The following PRKG1 variants were observed in gnomAD, a reference collection of about 807,000 sequenced individuals.
PRKG1 encodes the protein protein kinase cGMP-dependent 1.
A neutral mutation model predicts 88.1 loss-of-function variants in PRKG1; 35 were observed. The observed-to-expected ratio is 0.40, with a 90% CI of 0.30 to 0.53. PRKG1 has a LOEUF of 0.53. Ranked by LOEUF, PRKG1 falls within the 20% of genes least tolerant of loss-of-function variation. PRKG1 has a pLI of 0.59. For synonymous variants in PRKG1, 303 were observed against 292.5 expected (o/e 1.04, Z -0.37); for missense variants, 540 against 839.8 (o/e 0.64, Z 4.41).
intron 9 of PRKG1, among the ~76,000 whole-genome samples, chr10:52,248,903 C>CTCT (rs113732010): frequency 0.89 from 132,890 of 149,474 alleles, 59,713 homozygotes; most frequent in East Asian, 1. Context: ...CCTTTCCTTT[C>CTCT]TCTTTTCTTT....
intron 5 of PRKG1, among the ~76,000 whole-genome samples, chr10:51,986,483 A>G (rs929746336): frequency 1.3e-5 from 2 of 152,248 alleles, no homozygotes; most frequent in Non-Finnish European, 2.9e-5. Flanking sequence ...ACTTTCTCAG[A>G]GATCTGGGCA....
At chr10:52,111,283 A>G (rs754829354) in intron 7 of PRKG1, among the ~76,000 whole-genome samples, 3 of 152,250 alleles carry the variant, frequency 2.0e-5, no homozygotes, top group Non-Finnish European at 4.4e-5. Context: ...ATCTATGTAC[A>G]GCACATGGCA....
chr10:51,465,980 AT>A, intron 2 of PRKG1, among the ~76,000 whole-genome samples: 1 of 152,306 alleles, frequency 6.6e-6, no homozygotes, highest in Non-Finnish European at 1.5e-5. Flanking sequence ...CTTTTATTGT[AT>A]CTATTTCACT....
At chr10:51,459,265 AG>A (rs1839677668) in intron 2 of PRKG1, among the ~76,000 whole-genome samples, 1 of 152,108 alleles carries the variant, frequency 6.6e-6, no homozygotes, top group African/African-American at 2.4e-5. Context: ...ATTTGGAGAG[AG>A]GGGTAGGACA....
intron 3 of PRKG1, among the ~76,000 whole-genome samples, chr10:51,640,885 C>G (rs1223244695): frequency 6.6e-6 from 1 of 152,088 alleles, no homozygotes; most frequent in African/African-American, 2.4e-5. Flanking sequence ...AATATTTATT[C>G]TCTCTAAATA....
At chr10:51,525,119 C>T (rs778857448) in intron 3 of PRKG1, among the ~76,000 whole-genome samples, 8 of 145,130 alleles carry the variant, frequency 5.5e-5, no homozygotes, top group African/African-American at 7.7e-5. Flanking sequence ...CATGTGCACA[C>T]GAGAGAGACA....
intron 2 of PRKG1, among the ~76,000 whole-genome samples, chr10:51,182,614 G>A (rs1837376657): frequency 6.6e-6 from 1 of 152,194 alleles, no homozygotes; most frequent in Non-Finnish European, 1.5e-5. Flanking sequence ...GCCTAGGAGT[G>A]CATGTGTGCA....
At chr10:51,066,825 A>G (rs148735492) in intron 1 of PRKG1, among the ~76,000 whole-genome samples, 1 of 152,156 alleles carries the variant, frequency 6.6e-6, no homozygotes, top group Non-Finnish European at 1.5e-5. Context: ...TTTGACCATG[A>G]AACCCTTTTT....
intron 1 of PRKG1, among the ~76,000 whole-genome samples, chr10:51,117,098 A>G (rs142037591): frequency 8.3e-4 from 127 of 152,268 alleles, no homozygotes; most frequent in African/African-American, 2.9e-3. Context: ...TGAGGAAGTA[A>G]TATTTCTGTA....
At chr10:52,196,979 T>C (rs1839522974) in intron 9 of PRKG1, among the ~76,000 whole-genome samples, 1 of 152,112 alleles carries the variant, frequency 6.6e-6, no homozygotes. Context: ...CTTTAGGCAA[T>C]AATAATAATA....
chr10:51,218,526 TATATAA>T (rs1313000100), intron 2 of PRKG1, among the ~76,000 whole-genome samples: 14,841 of 108,714 alleles, frequency 0.14, 1,348 homozygotes, highest in African/African-American at 0.17. Context: ...TATATATATA[TATATAA>T]AATGTGTGTA....
At chr10:52,099,917 A>G (rs1258643142) in intron 7 of PRKG1, among the ~76,000 whole-genome samples, 1 of 152,208 alleles carries the variant, frequency 6.6e-6, no homozygotes, top group African/African-American at 2.4e-5. Flanking sequence ...TGCTTGGCAT[A>G]TGGCTGCTGC....
intron 3 of PRKG1, among the ~76,000 whole-genome samples, chr10:51,726,760 A>C (rs1564622884): frequency 6.6e-6 from 1 of 152,214 alleles, no homozygotes; most frequent in Middle Eastern, 3.4e-3. Context: ...ATGCCTATGA[A>C]GTAGTCTGAC....
At chr10:51,176,762 G>A (rs1455804656) in intron 2 of PRKG1, among the ~76,000 whole-genome samples, 2 of 152,094 alleles carry the variant, frequency 1.3e-5, no homozygotes, top group Non-Finnish European at 2.9e-5. Context: ...ACCTGCATAT[G>A]CCAAGCTCTA....
chr10:51,698,835 G>A (rs150439329), intron 3 of PRKG1: 1 of 1,614,076 alleles, frequency 6.2e-7, no homozygotes, highest in East Asian at 2.2e-5. Context: ...AAATGCTGAG[G>A]CTGAGGAGCT....
intron 1 of PRKG1, among the ~76,000 whole-genome samples, chr10:51,101,313 C>T (rs1003794086): frequency 6.6e-6 from 1 of 152,098 alleles, no homozygotes; most frequent in African/African-American, 2.4e-5. Context: ...GGAAGATGCC[C>T]ATCTACAAGC....
At chr10:52,055,928 C>A (rs1846100702) in intron 6 of PRKG1, among the ~76,000 whole-genome samples, 1 of 152,144 alleles carries the variant, frequency 6.6e-6, no homozygotes, top group Admixed American at 6.6e-5. Context: ...TTAGGTAATT[C>A]TCCTTGGACT....
At chr10:51,696,149 G>A (rs1336509665) in intron 3 of PRKG1, 9 of 152,158 alleles carry the variant, frequency 5.9e-5, no homozygotes, top group African/African-American at 2.2e-4. Context: ...GAGTATTCAG[G>A]CTATATAAAA....
intron 2 of PRKG1, among the ~76,000 whole-genome samples, chr10:51,452,470 A>G (rs895567859): frequency 1.3e-5 from 2 of 151,850 alleles, no homozygotes; most frequent in Non-Finnish European, 2.9e-5. Context: ...GTCCCTTTCT[A>G]TGCTGATTAT....
Sources: gnomAD v4.1 joint callset for allele counts (sites outside exome capture counted in the v4.1 genomes callset) on GRCh38, gnomAD v4.1.1 for gene constraint, MANE v1.5 for transcripts, NCBI Gene and HGNC (gene_info 2026-07-23, HGNC 2026-07-21) for gene names.